The following FAM153A variants were observed in gnomAD, a reference collection of about 807,000 sequenced individuals.
FAM153A encodes family with sequence similarity 153 member A.
Under a neutral mutation model 48.1 loss-of-function variants are expected in FAM153A, and 12 were observed. The ratio of observed to expected loss-of-function variants is 0.25; its 90% CI spans 0.16 to 0.40. The LOEUF is 0.40. FAM153A is among the 10% of genes least tolerant of loss of function. The pLI, the probability that FAM153A is intolerant of heterozygous loss-of-function variation, is 1.00. For missense variants in FAM153A, 111 were observed against 345.8 expected (o/e 0.32, Z 5.38); for synonymous variants, 36 against 118.2 (o/e 0.30, Z 4.51).
exon 27 of FAM153A, chr5:177,712,734 CCT>C (rs1758691589): frequency 1.3e-5 from 2 of 151,672 alleles, no homozygotes; most frequent in Admixed American, 6.6e-5. Context: ...AACACTACCC[CCT>C]CTCCAGCAGC....
At chr5:177,758,344 G>C (rs1767955541) in intron 1 of FAM153A, among the ~76,000 whole-genome samples, 1 of 140,408 alleles carries the variant, frequency 7.1e-6, no homozygotes. Context: ...AGAAATGGAA[G>C]AACATTCCAT....
chr5:177,718,651 A>G (rs1460636607), downstream of FAM153A: 30 of 134,322 alleles, frequency 2.2e-4, 1 homozygote, highest in Middle Eastern at 3.9e-3. Flanking sequence ...GGCAGTGACT[A>G]AACAATAAAT....
upstream of FAM153A, among the ~76,000 whole-genome samples, chr5:177,754,216 T>C (rs62398556): frequency 2.8e-4 from 41 of 147,878 alleles, no homozygotes; most frequent in East Asian, 7.9e-4. Flanking sequence ...GAGGGTCCTA[T>C]GCCCATGGAG....
chr5:177,710,193 A>C (rs61377103), downstream of FAM153A, among the ~76,000 whole-genome samples: 40,316 of 150,578 alleles, frequency 0.27, 6,144 homozygotes, highest in South Asian at 0.38. Flanking sequence ...GCTCACTGCA[A>C]CCTTCTCCTC....
intron 1 of FAM153A, among the ~76,000 whole-genome samples, chr5:177,776,523 G>A (rs1345521573): frequency 1.4e-5 from 1 of 72,226 alleles, no homozygotes; most frequent in African/African-American, 5.8e-5. Context: ...TTGCTTCAAA[G>A]AGAATAAAAT....
upstream of FAM153A, chr5:177,781,786 T>C (rs1432594003): frequency 2.1e-5 from 2 of 97,490 alleles, 1 homozygote; most frequent in Non-Finnish European, 4.4e-5. Flanking sequence ...TGGCGCCATC[T>C]CGGCTCACTG....
the FAM153A span, among the ~76,000 whole-genome samples, chr5:177,695,685 ATC>A: frequency 7.9e-5 from 12 of 151,332 alleles, no homozygotes; most frequent in Non-Finnish European, 1.3e-4. Context: ...TAACAATCTG[ATC>A]TCTTTCTTTT....
At chr5:177,721,917 ATT>A, downstream of FAM153A, 1 of 150,756 alleles carries the variant, frequency 6.6e-6, no homozygotes, top group South Asian at 2.1e-4. Context: ...CATACTATGG[ATT>A]TGTTTTAAAA....
chr5:177,738,886 C>G (rs1375788029), intron 10 of FAM153A, among the ~76,000 whole-genome samples: 1 of 151,382 alleles, frequency 6.6e-6, no homozygotes, highest in African/African-American at 2.5e-5. Flanking sequence ...ACCCGCCCCC[C>G]ACCTTGATGC....
chr5:177,698,757 C>T, the FAM153A span, among the ~76,000 whole-genome samples: 1 of 147,854 alleles, frequency 6.8e-6, no homozygotes, highest in Non-Finnish European at 1.5e-5. Context: ...TTCCTGGGCT[C>T]GAGTGATCCT....
chr5:177,732,014 A>G lies in FAM153A; in HGVS notation c.831+16T>C. ...GAAATAAAATTTCCTTTTCAGAGGA[A>G]AGAAGACGACTTTACCATGTGAACC... is the stretch of plus-strand genomic sequence containing the variant. On this transcript the variant is annotated intron_variant, in intron 15 of 20. Transcript: ENST00000614127. 3.2e-6 allele frequency: 1 copy of G among 309,434 alleles called. No individual in the cohort carries two copies. The highest frequency in any genetic ancestry group is 5.4e-6 in the Non-Finnish European group (1 of 185,298). 19.2% of individuals were successfully genotyped at this position (309,434 alleles called of 1,614,324 possible).
At chr5:177,702,589 T>G in the FAM153A span, among the ~76,000 whole-genome samples, 4 of 151,778 alleles carry the variant, frequency 2.6e-5, no homozygotes, top group South Asian at 8.3e-4. Flanking sequence ...TAGAAGACAT[T>G]TCAGAGACCT....
downstream of FAM153A, chr5:177,718,634 G>C (rs1310470296): frequency 1.2e-4 from 16 of 133,024 alleles, 2 homozygotes; most frequent in African/African-American, 4.2e-4. Flanking sequence ...AATAAAACAG[G>C]CTCTAAGGCA....
At position 177,736,579 on chromosome 5, in the gene FAM153A, A is replaced by G. The variant is rs2014864; in HGVS notation, c.664T>C (p.Phe222Leu). ...AAAGAGATGATCCCAGAATACGTAC[A>G]TTCGGCCAGTGTGTCTGGGTCCCCC... is the stretch of plus-strand genomic sequence containing the variant. Residue 222 changes from phenylalanine (F) to leucine (L), a missense_variant and splice_region_variant, in exon 12 of 21, where the codon TTT becomes CTT. Phe to Leu is a conservative substitution (Grantham distance 22, BLOSUM62 0). This residue lies in a region of FAM153A where 57 missense variants were observed against 104.0 expected (regional missense o/e 0.55). Transcript: ENST00000614127. 0.22 allele frequency: 214,458 copies of G among 961,532 alleles called. 69,948 individuals are homozygous for G. Among genetic ancestry groups the G allele is most frequent in the East Asian group, 0.36 (8,542 of 23,848 alleles). The allele number at this position is 961,532 out of a possible 1,614,324, so 59.6% of individuals were successfully genotyped here. A position where few individuals can be genotyped will look rare whatever the true frequency, so the allele number is the denominator to read the frequency against.
At chr5:177,708,624 C>T, downstream of FAM153A, among the ~76,000 whole-genome samples, 1 of 151,888 alleles carries the variant, frequency 6.6e-6, no homozygotes. Flanking sequence ...ACAGGCATTA[C>T]CAATAGTAGT....
At chr5:177,731,117 T>G (rs1763788221) in intron 16 of FAM153A, among the ~76,000 whole-genome samples, 1 of 58,382 alleles carries the variant, frequency 1.7e-5, no homozygotes, top group South Asian at 6.7e-4. Context: ...GTTGGGTTTT[T>G]TTTTTTTTTT....
intron 1 of FAM153A, among the ~76,000 whole-genome samples, chr5:177,768,744 A>G (rs1439078143): frequency 9.4e-6 from 1 of 106,616 alleles, no homozygotes; most frequent in Non-Finnish European, 1.9e-5. Context: ...CCCTCTATCC[A>G]GCCCAGGATG....
intron 16 of FAM153A, among the ~76,000 whole-genome samples, chr5:177,730,797 A>G (rs1044647686): frequency 2.2e-5 from 3 of 134,712 alleles, no homozygotes; most frequent in South Asian, 2.7e-4. Context: ...ACTCTGCAGC[A>G]TGTCCATCTG....
chr5:177,735,000 C>T (rs1764477354), intron 12 of FAM153A, 67 bp from the exon 15 acceptor site: 1 of 1,118,714 alleles, frequency 8.9e-7, no homozygotes, highest in Admixed American at 2.5e-5. Context: ...AGTAACACTG[C>T]TTGAGGTGGG....
Sources: gnomAD v4.1 joint callset for allele counts (sites outside exome capture counted in the v4.1 genomes callset) on GRCh38, gnomAD v4.1.1 for gene constraint, gnomAD v4.1.1 regional missense constraint, MANE v1.5 for transcripts, NCBI Gene and HGNC (gene_info 2026-07-23, HGNC 2026-07-21) for gene names.